Variants in PRKAR1B observed in about 807,000 individuals in gnomAD.
The protein encoded by PRKAR1B is cAMP-dependent protein kinase type I-beta regulatory subunit.
PRKAR1B carries 22 observed loss-of-function variants against 46.5 expected under a neutral mutation model. The ratio of observed to expected loss-of-function variants is 0.47; its 90% CI spans 0.34 to 0.68. PRKAR1B has a LOEUF of 0.68. PRKAR1B is among the 30% of genes least tolerant of loss of function. The pLI, the probability that PRKAR1B is intolerant of heterozygous loss-of-function variation, is 0.01. For missense variants in PRKAR1B, 445 were observed against 535.6 expected, an observed-to-expected ratio of 0.83 and a Z score of 1.67; for synonymous variants, 259 against 217.7, an observed-to-expected ratio of 1.19 and a Z score of -1.67.
At chr7:651,591 T>C (rs980199701) in intron 4 of PRKAR1B, among the ~76,000 whole-genome samples, 1 of 151,972 alleles carries the variant, frequency 6.6e-6, no homozygotes, top group African/African-American at 2.4e-5. Context: ...CACACAGTGC[T>C]AGGAACCTGG....
intron 7 of PRKAR1B, 54 bp from the exon 8 acceptor site, chr7:584,622 C>T (rs1780495237): frequency 1.4e-6 from 2 of 1,454,830 alleles, no homozygotes; most frequent in African/African-American, 2.8e-5. Context: ...ATACCTGGAT[C>T]ATCCTGACGT....
At chr7:595,487 T>C (rs747359408) in intron 7 of PRKAR1B, among the ~76,000 whole-genome samples, 1 of 152,158 alleles carries the variant, frequency 6.6e-6, no homozygotes, top group African/African-American at 2.4e-5. Flanking sequence ...GAACAGGGCC[T>C]GGCAGGTGGG....
intron 4 of PRKAR1B, among the ~76,000 whole-genome samples, chr7:618,565 A>G (rs1363602630): frequency 1.3e-5 from 2 of 151,824 alleles, no homozygotes; most frequent in African/African-American, 2.4e-5. Flanking sequence ...GAGTCCACAT[A>G]CTCTAGATCT....
chr7:727,979 G>A (rs1230887093), upstream of PRKAR1B, among the ~76,000 whole-genome samples: 4 of 151,774 alleles, frequency 2.6e-5, no homozygotes. Context: ...CTGGTTGAGG[G>A]CACGCGCTTT....
chr7:569,027 G>A (rs1162881413), intron 9 of PRKAR1B, among the ~76,000 whole-genome samples: 2 of 151,314 alleles, frequency 1.3e-5, no homozygotes, highest in African/African-American at 2.4e-5. Flanking sequence ...TTTTTTGGTG[G>A]GGGAGAGGGT....
In PRKAR1B at chr7:561,035, CACAT is replaced by C. The variant is rs574814889; in HGVS notation, c.892-9569_892-9566del. On this transcript the variant is annotated intron_variant, in intron 9 of 10. Coordinates refer to ENST00000537384, the MANE Select transcript of PRKAR1B (RefSeq NM_001164760.2). ...ATACACACACACGTGTGAACACACA[CACAT>C]ACACACAGATGCATATTTGTGCACG... 3.4e-3 allele frequency among the ~76,000 whole-genome samples: 523 copies of C among 152,272 alleles called. 2 individuals are homozygous for C. Among genetic ancestry groups the C allele is most frequent in the African/African-American group, 0.012 (492 of 41,566 alleles).
chr7:586,437 C>T (rs1158180137), intron 7 of PRKAR1B, among the ~76,000 whole-genome samples: 1 of 152,216 alleles, frequency 6.6e-6, no homozygotes, highest in African/African-American at 2.4e-5. Flanking sequence ...GTGGCTCCTG[C>T]CCTGCTCTCT....
chr7:591,558 T>C (rs1160735214), intron 7 of PRKAR1B, among the ~76,000 whole-genome samples: 1 of 152,118 alleles, frequency 6.6e-6, no homozygotes, highest in Non-Finnish European at 1.5e-5. Context: ...ACTGGAGCGT[T>C]GATAACGGCT....
At chr7:623,067 A>C (rs1329362843) in intron 4 of PRKAR1B, among the ~76,000 whole-genome samples, 1 of 152,164 alleles carries the variant, frequency 6.6e-6, no homozygotes, top group African/African-American at 2.4e-5. Context: ...CCCAAGACCC[A>C]GGGTTCCCAT....
intron 3 of PRKAR1B, 101 bp downstream of exon 3, chr7:680,455 C>T (rs1778603350): frequency 1.6e-6 from 2 of 1,214,634 alleles, no homozygotes; most frequent in Non-Finnish European, 2.2e-6. Context: ...CACTGAGACC[C>T]CCAGGAGGAT....
At chr7:675,803 G>A (rs1016835189) in intron 4 of PRKAR1B, among the ~76,000 whole-genome samples, 22 of 152,094 alleles carry the variant, frequency 1.4e-4, no homozygotes, top group African/African-American at 4.6e-4. Context: ...AAAATTAGCC[G>A]GGCGTGGTGT....
intron 3 of PRKAR1B, among the ~76,000 whole-genome samples, chr7:677,659 T>A (rs891631477): frequency 4.6e-5 from 7 of 152,068 alleles, no homozygotes; most frequent in Non-Finnish European, 8.8e-5. Flanking sequence ...ACATCTCAGC[T>A]CAAGCAATCC....
At chr7:605,311 CA>C (rs2128463353) in intron 6 of PRKAR1B, among the ~76,000 whole-genome samples, 1 of 152,330 alleles carries the variant, frequency 6.6e-6, no homozygotes, top group South Asian at 2.1e-4. Context: ...CCAGAGGCTG[CA>C]CCATCAGCTC....
chr7:656,925 A>ATGAC (rs1785233675), intron 4 of PRKAR1B, among the ~76,000 whole-genome samples: 1 of 151,800 alleles, frequency 6.6e-6, no homozygotes, highest in Non-Finnish European at 1.5e-5. Context: ...GGATGGATGA[A>ATGAC]TGAATGAATG....
chr7:601,159 A>C (rs183801642), intron 6 of PRKAR1B, among the ~76,000 whole-genome samples: 11 of 152,350 alleles, frequency 7.2e-5, no homozygotes, highest in Admixed American at 2.0e-4. Flanking sequence ...TGGCCAGCGC[A>C]GTTAAATACC....
At chr7:676,566 A>G (rs967487070) in intron 4 of PRKAR1B, among the ~76,000 whole-genome samples, 1 of 152,244 alleles carries the variant, frequency 6.6e-6, no homozygotes, top group Admixed American at 6.5e-5. Context: ...CCGCAGATCC[A>G]GACCCCCTAT....
At chr7:639,360 G>T (rs749457907) in intron 4 of PRKAR1B, among the ~76,000 whole-genome samples, 1 of 152,176 alleles carries the variant, frequency 6.6e-6, no homozygotes, top group Non-Finnish European at 1.5e-5. Flanking sequence ...AACAAATCGT[G>T]CTGGGACAAC....
intron 2 of PRKAR1B, among the ~76,000 whole-genome samples, chr7:710,968 A>G (rs1780593060): frequency 2.6e-5 from 4 of 152,132 alleles, no homozygotes; most frequent in Admixed American, 1.3e-4. Context: ...TGGTGACAGC[A>G]TCTGTAACTA....
intron 7 of PRKAR1B, among the ~76,000 whole-genome samples, chr7:586,826 C>A (rs1172338975): frequency 1.3e-5 from 2 of 152,108 alleles, no homozygotes; most frequent in African/African-American, 4.8e-5. Context: ...CTGCCAGGGA[C>A]CCTCCCAGCT....
Sources: allele counts gnomAD v4.1 joint callset (sites outside exome capture counted in the v4.1 genomes callset), GRCh38; gene constraint gnomAD v4.1.1; transcripts MANE v1.5; gene names NCBI Gene and HGNC (gene_info 2026-07-23, HGNC 2026-07-21).